The following MYH4 variants were observed in gnomAD, a reference collection of about 807,000 sequenced individuals.
MYH4 encodes myosin-4.
In MYH4, 200 loss-of-function variants were observed where a neutral mutation model predicts 229.9. That is an observed-to-expected ratio of 0.87 (90% CI 0.78 to 0.98). The LOEUF (loss-of-function observed/expected upper bound fraction) is 0.98. Among genes scored for constraint, MYH4 ranks in the 50% least tolerant of loss-of-function variants. The probability of loss-of-function intolerance (pLI) is 0.00; values close to 1 mark genes in which losing one functional copy is unlikely to be tolerated. For missense variants in MYH4, 2,148 were observed against 2,332.6 expected, an observed-to-expected ratio of 0.92 and a Z score of 1.63; for synonymous variants, 761 against 834.6, an observed-to-expected ratio of 0.91 and a Z score of 1.52.
chr17:10,445,237 A>G lies in MYH4; in HGVS notation c.5295T>C (p.Asp1765=). The change falls in exon 36 of 40, where the codon GAT becomes GAC. Residue 1765 remains aspartate (D), a splice_region_variant and synonymous_variant. Coordinates refer to ENST00000255381, the MANE Select transcript of MYH4 (RefSeq NM_017533.2). ...AEEKAKKAIT[D]AAMMAEELKK... ...TAAGACAAATGCTCATCTTGCTTAC[A>G]TCAGTGATGGCCTTCTTGGCCTTCT... The G allele has an allele frequency of 1.9e-6, 3 of 1,614,188 alleles. No homozygotes were observed. Among genetic ancestry groups the G allele is most frequent in the South Asian group, 2.2e-5 (2 of 91,088 alleles).
At chr17:10,453,414 G>A (rs776965936) in intron 23 of MYH4, 86 bp from the exon 24 acceptor site, 2 of 1,598,788 alleles carry the variant, frequency 1.3e-6, no homozygotes, top group Non-Finnish European at 1.7e-6. Context: ...TTAGGATAAT[G>A]TCAGCGTAAG....
rs775290532 is a variant in MYH4 at position 10,457,560 on chromosome 17, G to A, written c.1757C>T (p.Ala586Val). 6.8e-6 allele frequency: 11 copies of A among 1,614,062 alleles called. No homozygotes were observed. The highest frequency in any genetic ancestry group is 9.3e-6 in the Non-Finnish European group (11 of 1,180,032). ...GGCGATGTTGTAGTCCACGGTGCCG[G>A]CATAGTGCACCAGTGAGAAGTGAGC... ...PEAHFSLVHYAGTVDYNIAGW... is the reference protein window; with the variant it reads ...PEAHFSLVHYVGTVDYNIAGW... The change falls in exon 16 of 40, where the codon GCC (alanine) becomes GTC (valine). Residue 586 changes from alanine (A) to valine (V), a missense_variant. Transcript: ENST00000255381.
chr17:10,464,353 G>A, intron 7 of MYH4, 119 bp downstream of exon 7: 1 of 836,340 alleles, frequency 1.2e-6, no homozygotes, highest in South Asian at 2.1e-5. Flanking sequence ...CTTTTTTAAG[G>A]CTGCATAGTA....
At chr17:10,449,768 A>G (rs899971609) in intron 30 of MYH4, among the ~76,000 whole-genome samples, 3 of 152,086 alleles carry the variant, frequency 2.0e-5, no homozygotes, top group Admixed American at 2.0e-4. Context: ...CTCTTCACCA[A>G]CCTATGTAAT....
In MYH4 at chr17:10,448,077, A is replaced by G. The variant is rs1178887633; in HGVS notation, c.4706T>C (p.Leu1569Pro). The G allele has an allele frequency of 6.2e-7, 1 of 1,613,896 alleles. No individual in the cohort carries two copies. Among genetic ancestry groups the G allele is most frequent in the African/African-American group, 1.3e-5 (1 of 74,886 alleles). The change falls in exon 34 of 40, where the codon CTA (leucine) becomes CCA (proline). Residue 1569 changes from leucine (L) to proline (P), a missense_variant. Leu to Pro is a moderately conservative substitution (Grantham distance 98). Coordinates refer to ENST00000255381, the MANE Select transcript of MYH4 (RefSeq NM_017533.2). ...GTCAATCTCAGATTTCACCTGATTTAGCTCAAGTTGAATGCGAAGAATTTT... is the reference window on the plus strand; with the variant it reads ...GTCAATCTCAGATTTCACCTGATTTGGCTCAAGTTGAATGCGAAGAATTTT... The part of the protein sequence containing the change: ...EGKILRIQLE[L>P]NQVKSEIDRK...
In MYH4 at chr17:10,466,259, G is replaced by C; in HGVS notation, c.348+14C>G. Reference sequence around the variant, plus strand: ...TGTGGAGTGAGTGAGAAATAGCGTTGAAAGGGTGCTCACGTAGATCATCCA... The same window carrying C: ...TGTGGAGTGAGTGAGAAATAGCGTTCAAAGGGTGCTCACGTAGATCATCCA... On this transcript the variant is annotated intron_variant, in intron 4 of 39. Coordinates refer to ENST00000255381, the MANE Select transcript of MYH4 (RefSeq NM_017533.2). The C allele has an allele frequency of 6.2e-7, 1 of 1,612,612 alleles. No homozygotes were observed. The highest frequency in any genetic ancestry group is 1.7e-5 in the Admixed American group (1 of 59,752).
Position 10,450,910 on chromosome 17 carries a change from A to G in MYH4, c.3866-15T>C. On this transcript the variant is annotated splice_polypyrimidine_tract_variant and intron_variant, in intron 28 of 39. Coordinates refer to ENST00000255381, the MANE Select transcript of MYH4 (RefSeq NM_017533.2). ...TGAAAACTCACCTGTGGAAGACAAAACATCAATGATTTAGTTCTGTTGTCT... is the reference window on the plus strand; with the variant it reads ...TGAAAACTCACCTGTGGAAGACAAAGCATCAATGATTTAGTTCTGTTGTCT... 11 of 1,571,062 alleles carry G rather than the reference A, an allele frequency of 7.0e-6. No homozygotes were observed. Among genetic ancestry groups the G allele is most frequent in the Non-Finnish European group, 9.6e-6 (11 of 1,141,230 alleles).
chr17:10,460,092 C>T lies in MYH4; in HGVS notation c.1276G>A (p.Ala426Thr), dbSNP rs765935336. The T allele has an allele frequency of 1.2e-6, 2 of 1,614,202 alleles. No homozygotes were observed. Among genetic ancestry groups the T allele is most frequent in the Non-Finnish European group, 8.5e-7 (1 of 1,180,036 alleles). Reference sequence around the variant, plus strand: ...ATGGCTTTGGCCAGAGCACCCACTGCATTGTACACCTTCAACAGAAGTGAT... The same window carrying T: ...ATGGCTTTGGCCAGAGCACCCACTGTATTGTACACCTTCAACAGAAGTGAT... ...KGQTVQQVYN[A>T]VGALAKAIYE... Residue 426 changes from alanine (A) to threonine (T), a missense_variant, in exon 14 of 40, where the codon GCA (alanine) becomes ACA (threonine). Physicochemically the swap from Ala to Thr is moderately conservative, Grantham distance 58 (BLOSUM62 0). Transcript: ENST00000255381.
rs1366205253 is a variant in MYH4 at position 10,466,297 on chromosome 17, C to G, written c.324G>C (p.Glu108Asp). Residue 108 changes from glutamate to aspartate, a missense_variant, in exon 4 of 40, where the codon GAG becomes GAC. Physicochemically the swap from Glu to Asp is conservative, Grantham distance 45 (BLOSUM62 2). Coordinates refer to ENST00000255381, the MANE Select transcript of MYH4 (RefSeq NM_017533.2). ...HEPAVLYNLK[E>D]RYAAWMIYTY... The stretch of plus-strand genomic sequence containing the variant: ...CGTAGATCATCCAGGCTGCGTAACG[C>G]TCTTTGAGGTTATACAGCACAGCAG... 3 of 1,613,958 alleles carry G rather than the reference C, an allele frequency of 1.9e-6. No homozygotes were observed. The highest frequency in any genetic ancestry group is 1.7e-5 in the Admixed American group (1 of 59,996).
intron 32 of MYH4, 38 bp downstream of exon 32, chr17:10,448,580 C>CCTA: frequency 6.2e-7 from 1 of 1,610,560 alleles, no homozygotes; most frequent in Non-Finnish European, 8.5e-7. Flanking sequence ...AAGATGTCTC[C>CCTA]CTACCATTTT....
chr17:10,459,340 C>G lies in MYH4; in HGVS notation c.1498G>C (p.Glu500Gln). 6.2e-7 allele frequency: 1 copy of G among 1,614,142 alleles called. No individual in the cohort carries two copies. Among genetic ancestry groups the G allele is most frequent in the Non-Finnish European group, 8.5e-7 (1 of 1,180,028 alleles). Residue 500 changes from glutamate (E) to glutamine (Q), a missense_variant, in exon 15 of 40, where the codon GAG (glutamate) becomes CAG (glutamine). By Grantham distance (29) the Glu-to-Gln change is conservative. Transcript: ENST00000255381. ...CCTTCCTTCTTGTACTCTTCCTGCT[C>G]CAGCACGAACATGTGGTGGTTGAAA... ...QFFNHHMFVL[E>Q]QEEYKKEGIE... is the part of the protein sequence containing the mutation.
rs778571195 is a variant in MYH4 at position 10,445,293 on chromosome 17, C to T, written c.5239G>A (p.Asp1747Asn). 1 of 1,614,158 alleles carries T rather than the reference C, an allele frequency of 6.2e-7. No homozygotes were observed. The highest frequency in any genetic ancestry group is 1.3e-5 in the African/African-American group (1 of 75,040). Reference sequence around the variant, plus strand: ...GCATTGCGGGCTTCCTGGACGATGTCCTCCATCTCTCCCTGGATTTGGGAA... The same window carrying T: ...GCATTGCGGGCTTCCTGGACGATGTTCTCCATCTCTCCCTGGATTTGGGAA... ...DISQIQGEME[D>N]IVQEARNAEE... Residue 1747 changes from aspartate to asparagine, a missense_variant, in exon 36 of 40, where the codon GAC (aspartate) becomes AAC (asparagine). Physicochemically the swap from Asp to Asn is conservative, Grantham distance 23. Coordinates refer to ENST00000255381, the MANE Select transcript of MYH4 (RefSeq NM_017533.2).
At chr17:10,465,628 G>A in intron 4 of MYH4, 30 bp from the exon 5 acceptor site, 1 of 1,613,736 alleles carries the variant, frequency 6.2e-7, no homozygotes, top group Non-Finnish European at 8.5e-7. Context: ...TCCTCGATCA[G>A]CAATCACCTT....
At chr17:10,455,758 C>T (rs1377464827) in intron 18 of MYH4, 27 bp from the exon 19 acceptor site, 2 of 1,614,144 alleles carry the variant, frequency 1.2e-6, no homozygotes, top group Non-Finnish European at 1.7e-6. Flanking sequence ...ACATGCCATA[C>T]TTCGTGGTCT....
intron 24 of MYH4, 21 bp from the exon 25 acceptor site, chr17:10,452,953 A>G (rs2072594679): frequency 5.0e-6 from 8 of 1,599,230 alleles, no homozygotes; most frequent in Non-Finnish European, 6.8e-6. Context: ...GATGCATTTT[A>G]TTTATTTCAG....
At chr17:10,465,770 CTTTTTTTTTT>C (rs957442606) in intron 4 of MYH4, among the ~76,000 whole-genome samples, 172 bp from the exon 5 acceptor site, 5 of 97,994 alleles carry the variant, frequency 5.1e-5, no homozygotes, top group African/African-American at 1.1e-4. Context: ...TTCAGTTTTT[CTTTTTTTTTT>C]TTTTTTTTTT....
intron 29 of MYH4, 36 bp downstream of exon 29, chr17:10,450,741 T>C: frequency 6.2e-7 from 1 of 1,610,178 alleles, no homozygotes; most frequent in Non-Finnish European, 8.5e-7. Context: ...GTTGCACGGT[T>C]CAAGTGATTG....
At position 10,451,810 on chromosome 17, in the gene MYH4, G is replaced by A. The variant is rs1168537736; in HGVS notation, c.3738+131C>T. 17 of 1,140,696 alleles carry A rather than the reference G, an allele frequency of 1.5e-5. No individual in the cohort carries two copies. The Admixed American group carries it at 4.1e-4, about 27-fold the overall frequency. 70.7% of individuals were successfully genotyped at this position (1,140,696 alleles called of 1,614,324 possible). A position where few individuals can be genotyped will look rare whatever the true frequency, so the allele number is the denominator to read the frequency against. ...CTTAAGTGATTCAATACAATAATGT[G>A]TACTAGGAGTAAGTTTAAGCTTCAG... On this transcript the variant is annotated intron_variant, in intron 27 of 39. Coordinates refer to ENST00000255381, the MANE Select transcript of MYH4 (RefSeq NM_017533.2).
In MYH4 at chr17:10,466,523, T is replaced by G. The variant is rs1377922686; in HGVS notation, c.204+19A>C. 1.2e-6 allele frequency: 2 copies of G among 1,613,912 alleles called. No homozygotes were observed. Among genetic ancestry groups the G allele is most frequent in the African/African-American group, 2.7e-5 (2 of 74,914 alleles). On this transcript the variant is annotated intron_variant, in intron 3 of 39. Coordinates refer to ENST00000255381, the MANE Select transcript of MYH4 (RefSeq NM_017533.2). The stretch of plus-strand genomic sequence containing the variant: ...CAAAATGAGGCAGAGTCTAATTAGC[T>G]CCAGGTGTTTTTACTCACAGCTCCA...
Sources: allele counts gnomAD v4.1 joint callset (sites outside exome capture counted in the v4.1 genomes callset), GRCh38; gene constraint gnomAD v4.1.1; transcripts MANE v1.5; gene names NCBI Gene and HGNC (gene_info 2026-07-23, HGNC 2026-07-21).